SIPA1L3: variants seen among roughly 807,000 people sequenced by gnomAD.
SIPA1L3 encodes signal induced proliferation associated 1 like 3, also known as signal-induced proliferation-associated 1-like protein 3.
Under a neutral mutation model 150.1 loss-of-function variants are expected in SIPA1L3, and 59 were observed. That is an observed-to-expected ratio of 0.39 (90% CI 0.32 to 0.49). The LOEUF is 0.49. Ranked by LOEUF, SIPA1L3 falls within the 20% of genes least tolerant of loss-of-function variation. The pLI is 0.86. For missense variants in SIPA1L3, 2,211 were observed against 2,489.5 expected, an observed-to-expected ratio of 0.89 and a Z score of 2.38; for synonymous variants, 1,070 against 1,077.6, an observed-to-expected ratio of 0.99 and a Z score of 0.14.
At chr19:38,005,549 G>T (rs1599892583) in intron 1 of SIPA1L3, among the ~76,000 whole-genome samples, 1 of 152,036 alleles carries the variant, frequency 6.6e-6, no homozygotes, top group African/African-American at 2.4e-5. Flanking sequence ...CTCCCAGGGG[G>T]TTGCTCCGAA....
chr19:38,176,712 C>T (rs1241590141), intron 15 of SIPA1L3, among the ~76,000 whole-genome samples: 2 of 152,178 alleles, frequency 1.3e-5, no homozygotes, highest in East Asian at 3.8e-4. Flanking sequence ...AGGCTTACAC[C>T]TGTAATCCCA....
intron 9 of SIPA1L3, among the ~76,000 whole-genome samples, chr19:38,125,102 C>G (rs1042654916): frequency 2.0e-5 from 3 of 151,866 alleles, no homozygotes; most frequent in Non-Finnish European, 4.4e-5. Context: ...GCAGAGCGAT[C>G]TCGGCTCACT....
rs911283215 is a variant in SIPA1L3 at position 38,208,019 on chromosome 19, C to G, written c.*1779C>G. ...GTCCCCCACCCCCACCCCTTAGACCCTCATCGGGTCCCTTTTTTTTTTTTT... is the reference window on the plus strand; with the variant it reads ...GTCCCCCACCCCCACCCCTTAGACCGTCATCGGGTCCCTTTTTTTTTTTTT... On this transcript the variant is annotated 3_prime_UTR_variant, in exon 22 of 22. Transcript: ENST00000222345. The G allele has an allele frequency of 6.8e-6, 1 of 147,318 alleles. No homozygotes were observed. Among genetic ancestry groups the G allele is most frequent in the African/African-American group, 2.5e-5 (1 of 39,754 alleles). 9.1% of individuals were successfully genotyped at this position (147,318 alleles called of 1,614,324 possible).
chr19:38,119,390 C>T lies in SIPA1L3; in HGVS notation c.2376C>T (p.Phe792=), dbSNP rs1416160354. The part of the protein sequence containing the change: ...SGTTFRKSDV[F]RDFLLAKVIN... ...CCACATTCCGCAAATCCGACGTCTT[C>T]AGAGACTTCTTGCTGGCCAAGGTGA... The change falls in exon 9 of 22, where the codon TTC becomes TTT. Residue 792 remains phenylalanine, a synonymous_variant. Transcript: ENST00000222345. The T allele has an allele frequency of 3.9e-5, 63 of 1,614,096 alleles. No individual in the cohort carries two copies. The highest frequency in any genetic ancestry group is 6.7e-5 in the East Asian group (3 of 44,900).
chr19:38,205,431 T>G (rs1973187698), intron 21 of SIPA1L3, among the ~76,000 whole-genome samples: 1 of 137,132 alleles, frequency 7.3e-6, no homozygotes. Flanking sequence ...CACTCCAGCT[T>G]GGGCGACAAG....
At chr19:37,957,797 C>T (rs922810959) in intron 1 of SIPA1L3, among the ~76,000 whole-genome samples, 25 of 152,086 alleles carry the variant, frequency 1.6e-4, no homozygotes, top group Admixed American at 3.9e-4. Flanking sequence ...ACTGCAGCCT[C>T]GACTTCTGAG....
In SIPA1L3 at chr19:38,101,231, G is replaced by C; in HGVS notation, c.2029+5G>C. ...CTGCCCAGCTGGACGTCAAGAGTAA[G>C]TAGGGGGCCGGTTAGATCACAGTGA... On this transcript the variant is annotated splice_donor_5th_base_variant and intron_variant, in intron 6 of 21. Transcript: ENST00000222345. 4 of 1,535,276 alleles carry C rather than the reference G, an allele frequency of 2.6e-6. No individual in the cohort carries two copies. Among genetic ancestry groups the C allele is most frequent in the Non-Finnish European group, 3.5e-6 (4 of 1,136,806 alleles).
At chr19:38,051,491 G>T (rs1013445246) in intron 2 of SIPA1L3, among the ~76,000 whole-genome samples, 2 of 152,194 alleles carry the variant, frequency 1.3e-5, no homozygotes, top group African/African-American at 4.8e-5. Flanking sequence ...TTGATGTAAT[G>T]AACTGACAAG....
chr19:38,182,815 GC>G, intron 16 of SIPA1L3, 75 bp downstream of exon 16: 2 of 1,133,640 alleles, frequency 1.8e-6, no homozygotes, highest in South Asian at 2.9e-5. Context: ...AGAGGGTGAT[GC>G]CACATGCTGT....
rs189689430 is a variant in SIPA1L3 at position 37,993,918 on chromosome 19, C to T, written c.-378-35171C>T. Among the ~76,000 whole-genome samples the T allele has an allele frequency of 8.2e-4, 124 of 151,964 alleles. 2 individuals carry two copies. The highest frequency in any genetic ancestry group is 6.6e-3 in the East Asian group (34 of 5,168). ...TTATTTTATTATTTTTTTTTAGAGA[C>T]GGGTCTTGCTCTGTCGCCTAGGCTG... is the stretch of plus-strand genomic sequence containing the variant. On this transcript the variant is annotated intron_variant, in intron 1 of 21. Coordinates refer to ENST00000222345, the MANE Select transcript of SIPA1L3 (RefSeq NM_015073.3).
chr19:38,169,076 T>A (rs1043299786), intron 15 of SIPA1L3, among the ~76,000 whole-genome samples: 1 of 151,764 alleles, frequency 6.6e-6, no homozygotes, highest in Non-Finnish European at 1.5e-5. Flanking sequence ...AAGGAGAAAA[T>A]AAAATGAGTT....
intron 1 of SIPA1L3, among the ~76,000 whole-genome samples, chr19:38,003,164 G>C (rs1466649019): frequency 6.6e-6 from 1 of 152,086 alleles, no homozygotes; most frequent in Non-Finnish European, 1.5e-5. Context: ...AAATAAGACT[G>C]AAAACAGGAG....
In SIPA1L3 at chr19:38,164,864, C is replaced by T; in HGVS notation, c.4166C>T (p.Thr1389Met). ...KLYSSGSSTP[T>M]GLAGGSRDPP... Reference sequence around the variant, plus strand: ...TACTCCTCCGGCTCCAGCACCCCCACGGGACTGGCGGGGGGCAGCCGAGAC... The same window carrying T: ...TACTCCTCCGGCTCCAGCACCCCCATGGGACTGGCGGGGGGCAGCCGAGAC... Residue 1389 changes from threonine to methionine, a missense_variant, in exon 15 of 22, where the codon ACG becomes ATG. Coordinates refer to ENST00000222345, the MANE Select transcript of SIPA1L3 (RefSeq NM_015073.3). The surrounding 1 kb of genome is among the most constrained non-coding windows in gnomAD (Gnocchi z 4.1). The T allele has an allele frequency of 3.8e-6, 6 of 1,574,050 alleles. No individual in the cohort carries two copies. The highest frequency in any genetic ancestry group is 1.2e-5 in the South Asian group (1 of 86,192).
At chr19:38,089,282 C>T (rs1436293813) in intron 4 of SIPA1L3, among the ~76,000 whole-genome samples, 1 of 145,602 alleles carries the variant, frequency 6.9e-6, no homozygotes. Flanking sequence ...TATGCCACTG[C>T]ACTCCAGCCT....
chr19:37,928,647 C>T lies in SIPA1L3; in HGVS notation c.-379+21289C>T, dbSNP rs527328018. The stretch of plus-strand genomic sequence containing the variant: ...GCTAGGTAAAACACAGATTGCTGGG[C>T]CCCATCTGATTCTGTAAGTTCCTGA... On this transcript the variant is annotated intron_variant, in intron 1 of 21. Coordinates refer to ENST00000222345, the MANE Select transcript of SIPA1L3 (RefSeq NM_015073.3). Among the ~76,000 whole-genome samples, 173 of 152,236 alleles carry T rather than the reference C, an allele frequency of 1.1e-3. 2 individuals are homozygous for T. Among genetic ancestry groups the T allele is most frequent in the Non-Finnish European group, 2.4e-4 (16 of 68,016 alleles).
chr19:38,110,250 A>C lies in SIPA1L3; in HGVS notation c.2157A>C (p.Gly719=). 6.2e-7 allele frequency: 1 copy of C among 1,614,106 alleles called. No individual in the cohort carries two copies. Among genetic ancestry groups the C allele is most frequent in the Non-Finnish European group, 8.5e-7 (1 of 1,179,988 alleles). ...AGCTGCTACGGAAGAGGCACATAGG[A>C]AATGACATCGTGACGATCATCTTCC... is the stretch of plus-strand genomic sequence containing the variant. The part of the protein sequence containing the change: ...RQQLLRKRHI[G]NDIVTIIFQE... The change falls in exon 8 of 22, where the codon GGA becomes GGC. Residue 719 remains glycine, a synonymous_variant. Coordinates refer to ENST00000222345, the MANE Select transcript of SIPA1L3 (RefSeq NM_015073.3).
chr19:38,190,594 A>T (rs2146040867), intron 16 of SIPA1L3, among the ~76,000 whole-genome samples: 1 of 152,330 alleles, frequency 6.6e-6, no homozygotes, highest in African/African-American at 2.4e-5. Flanking sequence ...CGGGAACCCA[A>T]GACATCTTAT....
intron 15 of SIPA1L3, among the ~76,000 whole-genome samples, chr19:38,171,898 G>GAGGT (rs1011508358): frequency 1.4e-4 from 21 of 152,204 alleles, no homozygotes; most frequent in South Asian, 4.2e-4. Context: ...CAAGGCCCTG[G>GAGGT]AGGTAGGTAG....
intron 1 of SIPA1L3, chr19:37,964,072 G>A (rs751925760): frequency 6.6e-6 from 1 of 152,102 alleles, no homozygotes; most frequent in Non-Finnish European, 1.5e-5. Flanking sequence ...TTTGAGGCAA[G>A]TACCATATAT....
Sources: gnomAD v4.1 joint callset for allele counts (sites outside exome capture counted in the v4.1 genomes callset) on GRCh38, gnomAD v4.1.1 for gene constraint, Gnocchi (gnomAD v3.1) non-coding constraint, MANE v1.5 for transcripts, NCBI Gene and HGNC (gene_info 2026-07-23, HGNC 2026-07-21) for gene names.